Variants in SLC39A7 observed in about 807,000 individuals in gnomAD.
SLC39A7 encodes the protein zinc transporter SLC39A7.
Under a neutral mutation model 39.7 loss-of-function variants are expected in SLC39A7, and 25 were observed. The ratio of observed to expected loss-of-function variants is 0.63; its 90% CI spans 0.46 to 0.88. The LOEUF (loss-of-function observed/expected upper bound fraction) is 0.88. Among genes scored for constraint, SLC39A7 ranks in the 40% least tolerant of loss-of-function variants. SLC39A7 has a pLI of 0.00. For synonymous variants in SLC39A7, 181 were observed against 234.1 expected (o/e 0.77, Z 2.07); for missense variants, 501 against 592.1 (o/e 0.85, Z 1.60).
chr6:33,201,594 T>C lies in SLC39A7; in HGVS notation c.349T>C (p.Tyr117His). ...GHDHEHSHGG[Y>H]GESGAPGIKQ... ...TGACCATGAGCATAGCCATGGAGGC[T>C]ATGGGGAGTCTGGGGCTCCAGGCAT... The change falls in exon 1 of 7, where the codon TAT becomes CAT. Residue 117 changes from tyrosine to histidine, a missense_variant. Physicochemically the swap from Tyr to His is moderately conservative, Grantham distance 83. Coordinates refer to ENST00000374677, the MANE Select transcript of SLC39A7 (RefSeq NM_006979.3). The surrounding 1 kb of genome is among the most constrained non-coding windows in gnomAD (Gnocchi z 5.9). 1 of 1,613,534 alleles carries C rather than the reference T, an allele frequency of 6.2e-7. No individual in the cohort carries two copies. Among genetic ancestry groups the C allele is most frequent in the Non-Finnish European group, 8.5e-7 (1 of 1,179,620 alleles).
Position 33,201,538 on chromosome 6 carries a change from A to G in SLC39A7, c.293A>G (p.His98Arg). The G allele has an allele frequency of 6.2e-7, 1 of 1,614,156 alleles. No individual in the cohort carries two copies. The change falls in exon 1 of 7, where the codon CAT becomes CGT. Residue 98 changes from histidine (H) to arginine (R), a missense_variant. Physicochemically the swap from His to Arg is conservative, Grantham distance 29. Coordinates refer to ENST00000374677, the MANE Select transcript of SLC39A7 (RefSeq NM_006979.3). The surrounding 1 kb of genome is among the most constrained non-coding windows in gnomAD (Gnocchi z 5.9). Reference protein sequence around the residue: ...LHHGHSHGYSHESLYHRGHGH... With the variant: ...LHHGHSHGYSRESLYHRGHGH... ...CATGGCCATAGCCATGGCTACTCCC[A>G]TGAGAGCCTCTACCACAGAGGACAT...
chr6:33,202,502 G>A, intron 4 of SLC39A7, 58 bp from the exon 5 acceptor site: 3 of 1,596,336 alleles, frequency 1.9e-6, no homozygotes, highest in African/African-American at 2.7e-5. Flanking sequence ...CCCTCAGGAG[G>A]GAGAGGACAT....
At position 33,201,344 on chromosome 6, in the gene SLC39A7, C is replaced by T. The variant is rs374708711; in HGVS notation, c.99C>T (p.Asp33=). The T allele has an allele frequency of 1.9e-5, 31 of 1,614,030 alleles. No homozygotes were observed. In the Middle Eastern group the frequency reaches 4.9e-4, roughly 26 times the overall value. Residue 33 remains aspartate (D), a synonymous_variant, in exon 1 of 7, where the codon GAC becomes GAT. Transcript: ENST00000374677. The surrounding 1 kb of genome is among the most constrained non-coding windows in gnomAD (Gnocchi z 5.9). Reference sequence around the variant, plus strand: ...TGGCTGGACTCGGGGGTCATGACGACCTGCACGACGATCTGCAAGAGGACT... The same window carrying T: ...TGGCTGGACTCGGGGGTCATGACGATCTGCACGACGATCTGCAAGAGGACT... ...LLVAGLGGHD[D]LHDDLQEDFH... is the part of the protein sequence containing the mutation.
chr6:33,201,348 C>T lies in SLC39A7; in HGVS notation c.103C>T (p.His35Tyr), dbSNP rs1562428101. 1 of 1,614,120 alleles carries T rather than the reference C, an allele frequency of 6.2e-7. No homozygotes were observed. The highest frequency in any genetic ancestry group is 8.5e-7 in the Non-Finnish European group (1 of 1,180,004). ...VAGLGGHDDL[H>Y]DDLQEDFHGH... Reference sequence around the variant, plus strand: ...TGGACTCGGGGGTCATGACGACCTGCACGACGATCTGCAAGAGGACTTCCA... The same window carrying T: ...TGGACTCGGGGGTCATGACGACCTGTACGACGATCTGCAAGAGGACTTCCA... The change falls in exon 1 of 7, where the codon CAC becomes TAC. Residue 35 changes from histidine (H) to tyrosine (Y), a missense_variant. Coordinates refer to ENST00000374677, the MANE Select transcript of SLC39A7 (RefSeq NM_006979.3). The surrounding 1 kb of genome is among the most constrained non-coding windows in gnomAD (Gnocchi z 5.9).
chr6:33,202,396 T>C lies in SLC39A7; in HGVS notation c.768T>C (p.His256=), dbSNP rs980334620. The part of the protein sequence containing the change: ...HSHGHGHAHS[H]TRGSHGHGRQ... ...ATGGACATGGACACGCTCACAGTCA[T>C]ACACGTGGAAGTCATGGACATGGAA... The change falls in exon 4 of 7, where the codon CAT becomes CAC. Residue 256 remains histidine (H), a synonymous_variant. Transcript: ENST00000374677. 4.3e-6 allele frequency: 7 copies of C among 1,612,646 alleles called. No homozygotes were observed. In the East Asian group the frequency reaches 8.9e-5, roughly 21 times the overall value.
chr6:33,201,080 C>G lies in SLC39A7; in HGVS notation c.-166C>G. 1 of 813,918 alleles carries G rather than the reference C, an allele frequency of 1.2e-6. No individual in the cohort carries two copies. The highest frequency in any genetic ancestry group is 1.6e-5 in the South Asian group (1 of 63,848). The allele number at this position is 813,918 out of a possible 1,614,324, so 50.4% of individuals were successfully genotyped here. ...AGGGCCCTACATCCGGGAGGTGGTT[C>G]GGGATAAAGAGAACTAGTCTTGGGA... On this transcript the variant is annotated 5_prime_UTR_variant, in exon 1 of 7. Coordinates refer to ENST00000374677, the MANE Select transcript of SLC39A7 (RefSeq NM_006979.3). This position sits in a 1 kb window ranked among gnomAD's most constrained non-coding sequence, Gnocchi z 5.9.
In SLC39A7 at chr6:33,201,978, T is replaced by C. The variant is rs1774613630; in HGVS notation, c.580+65T>C. On this transcript the variant is annotated intron_variant, in intron 2 of 6. Transcript: ENST00000374677. The surrounding 1 kb of genome is among the most constrained non-coding windows in gnomAD (Gnocchi z 5.9). ...TCGTTCTTTGGAGGAAAAGGGTTCT[T>C]TCTCCTTTATGATCCCTGACCTTTC... 1 of 1,599,746 alleles carries C rather than the reference T, an allele frequency of 6.3e-7. No homozygotes were observed. Among genetic ancestry groups the C allele is most frequent in the East Asian group, 2.2e-5 (1 of 44,806 alleles).
chr6:33,203,157 A>G (rs767154870), intron 6 of SLC39A7, 51 bp downstream of exon 6: 9 of 1,460,432 alleles, frequency 6.2e-6, no homozygotes, highest in Non-Finnish European at 7.4e-6. Flanking sequence ...ATCTCTCCTC[A>G]CTCACCCTAA....
In SLC39A7 at chr6:33,200,901, GT is replaced by G. The variant is rs1400418502; in HGVS notation, c.-344del. On this transcript the variant is annotated 5_prime_UTR_variant, in exon 1 of 7. Coordinates refer to ENST00000374677, the MANE Select transcript of SLC39A7 (RefSeq NM_006979.3). This position sits in a 1 kb window ranked among gnomAD's most constrained non-coding sequence, Gnocchi z 6.3. ...CGGGATCTAAAGGCGGGACTGCCAC[GT>G]CCAAGCAAACCGGGAAAGGAGAGGA... 2.3e-6 allele frequency: 3 copies of G among 1,278,694 alleles called. No individual in the cohort carries two copies. Among genetic ancestry groups the G allele is most frequent in the Non-Finnish European group, 3.3e-6 (3 of 910,202 alleles). The allele number at this position is 1,278,694 out of a possible 1,614,324, so 79.2% of individuals were successfully genotyped here.
intron 4 of SLC39A7, 45 bp downstream of exon 4, chr6:33,202,472 A>G: frequency 6.2e-7 from 1 of 1,607,300 alleles, no homozygotes; most frequent in Non-Finnish European, 8.5e-7. Flanking sequence ...TGCCTGCCTC[A>G]GAATCTCCTC....
chr6:33,201,469 A>G lies in SLC39A7; in HGVS notation c.224A>G (p.His75Arg). The G allele has an allele frequency of 6.2e-7, 1 of 1,614,114 alleles. No individual in the cohort carries two copies. Among genetic ancestry groups the G allele is most frequent in the Non-Finnish European group, 8.5e-7 (1 of 1,179,966 alleles). The stretch of plus-strand genomic sequence containing the variant: ...ACTCACGAGAGCATCTGGCATGGAC[A>G]TACCCACGATCACGACCATGGACAT... The part of the protein sequence containing the change: ...GHTHESIWHG[H>R]THDHDHGHSH... The change falls in exon 1 of 7, where the codon CAT becomes CGT. Residue 75 changes from histidine to arginine, a missense_variant. Coordinates refer to ENST00000374677, the MANE Select transcript of SLC39A7 (RefSeq NM_006979.3). The surrounding 1 kb of genome is among the most constrained non-coding windows in gnomAD (Gnocchi z 5.9).
rs41266701 is a variant in SLC39A7 at position 33,202,062 on chromosome 6, C to A, written c.581-10C>A. On this transcript the variant is annotated splice_polypyrimidine_tract_variant and intron_variant, in intron 2 of 6. Coordinates refer to ENST00000374677, the MANE Select transcript of SLC39A7 (RefSeq NM_006979.3). Reference sequence around the variant, plus strand: ...ATATTCCCTCATCTGGTTTTCCCCCCTTCTTCCAGAACCTCATTCTCACCA... The same window carrying A: ...ATATTCCCTCATCTGGTTTTCCCCCATTCTTCCAGAACCTCATTCTCACCA... 0.086 allele frequency: 138,052 copies of A among 1,611,820 alleles called. 6,935 individuals are homozygous for A. Among genetic ancestry groups the A allele is most frequent in the Non-Finnish European group, 0.095 (111,623 of 1,178,964 alleles).
chr6:33,203,856 T>G lies in SLC39A7; in HGVS notation c.*43T>G. 4 of 1,596,562 alleles carry G rather than the reference T, an allele frequency of 2.5e-6. No homozygotes were observed. The highest frequency in any genetic ancestry group is 2.6e-6 in the Non-Finnish European group (3 of 1,166,062). ...CCTGCCCCAAACCTCTACCCCTAAC[T>G]CCAGGTCAGGGGTGCGTAGAGGTTG... On this transcript the variant is annotated 3_prime_UTR_variant, in exon 7 of 7. Transcript: ENST00000374677.
Position 33,202,563 on chromosome 6 carries a change from G to T in SLC39A7, c.803G>T (p.Arg268Leu). ...RGSHGHGRQERSTKEKQSSEE... is the reference protein window; with the variant it reads ...RGSHGHGRQELSTKEKQSSEE... Reference sequence around the variant, plus strand: ...ACCAACTCTTTTCTTCCCTCAGAGCGTTCTACCAAGGAGAAGCAGAGCTCA... The same window carrying T: ...ACCAACTCTTTTCTTCCCTCAGAGCTTTCTACCAAGGAGAAGCAGAGCTCA... The change falls in exon 5 of 7, where the codon CGT (arginine) becomes CTT (leucine). Residue 268 changes from arginine (R) to leucine (L), a missense_variant. Arg to Leu is a moderately radical substitution (Grantham distance 102, BLOSUM62 -2). Transcript: ENST00000374677. 6.2e-7 allele frequency: 1 copy of T among 1,602,808 alleles called. No homozygotes were observed. The highest frequency in any genetic ancestry group is 8.5e-7 in the Non-Finnish European group (1 of 1,176,736).
At position 33,203,782 on chromosome 6, in the gene SLC39A7, T is replaced by C. The variant is rs764190480; in HGVS notation, c.1379T>C (p.Ile460Thr). 9.3e-6 allele frequency: 15 copies of C among 1,614,032 alleles called. No individual in the cohort carries two copies. Among genetic ancestry groups the C allele is most frequent in the African/African-American group, 5.3e-5 (4 of 74,910 alleles). Reference protein sequence around the residue: ...LEVLGLLGGVIMMVLIAHLE With the variant: ...LEVLGLLGGVTMMVLIAHLE ...GTGCTGGGGCTGCTGGGGGGAGTTA[T>C]CATGATGGTGCTGATTGCCCACCTT... Residue 460 changes from isoleucine to threonine, a missense_variant, in exon 7 of 7, where the codon ATC becomes ACC. Ile to Thr is a moderately conservative substitution (Grantham distance 89). Transcript: ENST00000374677.
At chr6:33,202,808 G>A (rs1209460386) in intron 5 of SLC39A7, 102 bp from the exon 6 acceptor site, 1 of 1,552,904 alleles carries the variant, frequency 6.4e-7, no homozygotes, top group East Asian at 2.3e-5. Context: ...AAAGGACTGG[G>A]TGTAAAGTGG....
rs1315964930 is a variant in SLC39A7 at position 33,203,102 on chromosome 6, A to G, written c.1133A>G (p.Lys378Arg). The change falls in exon 6 of 7, where the codon AAG (lysine) becomes AGG (arginine). Residue 378 changes from lysine (K) to arginine (R), a missense_variant. By Grantham distance (26) the Lys-to-Arg change is conservative. Coordinates refer to ENST00000374677, the MANE Select transcript of SLC39A7 (RefSeq NM_006979.3). The stretch of plus-strand genomic sequence containing the variant: ...TTGGTCCAGTCTGGCTGCAGCAAAA[A>G]GCAGGTTGGTGATGTCTGCCAAACA... The part of the protein sequence containing the change: ...AILVQSGCSK[K>R]QAMRLQLLTA... The G allele has an allele frequency of 1.3e-6, 2 of 1,586,402 alleles. No individual in the cohort carries two copies. The highest frequency in any genetic ancestry group is 1.7e-6 in the Non-Finnish European group (2 of 1,166,626).
At chr6:33,202,194 C>T in intron 3 of SLC39A7, 69 bp downstream of exon 3, 1 of 1,593,028 alleles carries the variant, frequency 6.3e-7, no homozygotes, top group Non-Finnish European at 8.6e-7. Flanking sequence ...TATTCCTCAC[C>T]TCCCGCACTT....
chr6:33,201,054 C>T lies in SLC39A7; in HGVS notation c.-192C>T. 2 of 758,536 alleles carry T rather than the reference C, an allele frequency of 2.6e-6. No individual in the cohort carries two copies. Among genetic ancestry groups the T allele is most frequent in the South Asian group, 1.6e-5 (1 of 64,262 alleles). 47.0% of individuals were successfully genotyped at this position (758,536 alleles called of 1,614,324 possible). On this transcript the variant is annotated 5_prime_UTR_variant, in exon 1 of 7. Coordinates refer to ENST00000374677, the MANE Select transcript of SLC39A7 (RefSeq NM_006979.3). This position sits in a 1 kb window ranked among gnomAD's most constrained non-coding sequence, Gnocchi z 5.9. ...AGTGGCTGGTGAAAGATTAGTGTCC[C>T]AGGGCCCTACATCCGGGAGGTGGTT... is the stretch of plus-strand genomic sequence containing the variant.
Sources: gnomAD v4.1 joint callset for allele counts on GRCh38, gnomAD v4.1.1 for gene constraint, Gnocchi (gnomAD v3.1) non-coding constraint, MANE v1.5 for transcripts, NCBI Gene and HGNC (gene_info 2026-07-23, HGNC 2026-07-21) for gene names.